Variants in ERN1 observed in about 807,000 individuals in gnomAD.
The protein encoded by ERN1 is serine/threonine-protein kinase/endoribonuclease IRE1.
In ERN1, 39 loss-of-function variants were observed where a neutral mutation model predicts 113.1. The observed-to-expected ratio is 0.34, with a 90% CI of 0.27 to 0.45. The LOEUF (loss-of-function observed/expected upper bound fraction) is 0.45. Ranked by LOEUF, ERN1 falls within the 20% of genes least tolerant of loss-of-function variation. The pLI is 1.00. For synonymous variants in ERN1, 507 were observed against 515.9 expected (o/e 0.98, Z 0.23); for missense variants, 976 against 1,274.8 (o/e 0.77, Z 3.57).
In ERN1 at chr17:64,063,877, G is replaced by A; in HGVS notation, c.1087+109C>T. ...TCAGGGGCCAGCCGGGAAGGGCTCT[G>A]AGCACAAGGCCTTCCGAGCTCAGTA... On this transcript the variant is annotated intron_variant, in intron 10 of 21. Transcript: ENST00000433197. The surrounding 1 kb of genome is among the most constrained non-coding windows in gnomAD (Gnocchi z 5.1). The A allele has an allele frequency of 9.7e-7, 1 of 1,028,520 alleles. No individual in the cohort carries two copies. The highest frequency in any genetic ancestry group is 1.4e-6 in the Non-Finnish European group (1 of 697,662). The allele number at this position is 1,028,520 out of a possible 1,614,324, so 63.7% of individuals were successfully genotyped here.
intron 12 of ERN1, among the ~76,000 whole-genome samples, 153 bp downstream of exon 12, chr17:64,057,649 T>C (rs915152184): frequency 6.6e-5 from 10 of 152,340 alleles, no homozygotes; most frequent in Non-Finnish European, 1.0e-4. Context: ...ATTACAGGCG[T>C]GAGCCACTGT....
At chr17:64,124,515 C>T (rs1267829661) in intron 1 of ERN1, among the ~76,000 whole-genome samples, 1 of 152,130 alleles carries the variant, frequency 6.6e-6, no homozygotes, top group Non-Finnish European at 1.5e-5. Context: ...GTGAATAAGT[C>T]TCACGAGATT....
chr17:64,054,539 G>T lies in ERN1; in HGVS notation c.1764-100C>A, dbSNP rs901921191. 5 of 1,223,686 alleles carry T rather than the reference G, an allele frequency of 4.1e-6. No individual in the cohort carries two copies. Among genetic ancestry groups the T allele is most frequent in the Non-Finnish European group, 5.7e-6 (5 of 876,228 alleles). The allele number at this position is 1,223,686 out of a possible 1,614,324, so 75.8% of individuals were successfully genotyped here. A position where few individuals can be genotyped will look rare whatever the true frequency, so the allele number is the denominator to read the frequency against. The stretch of plus-strand genomic sequence containing the variant: ...CACAGCATTCACCTACTGCCTCCCA[G>T]CCTAGAGAGCCCCGCCTGACTGCCT... On this transcript the variant is annotated intron_variant, in intron 14 of 21. Transcript: ENST00000433197. This position sits in a 1 kb window ranked among gnomAD's most constrained non-coding sequence, Gnocchi z 4.9.
intron 2 of ERN1, among the ~76,000 whole-genome samples, chr17:64,086,362 C>T (rs572729477): frequency 6.6e-6 from 1 of 152,252 alleles, no homozygotes; most frequent in South Asian, 2.1e-4. Context: ...TCACAAATGA[C>T]CACGTCATAG....
intron 17 of ERN1, among the ~76,000 whole-genome samples, chr17:64,051,264 A>G (rs1306488857): frequency 6.6e-6 from 1 of 152,186 alleles, no homozygotes; most frequent in Non-Finnish European, 1.5e-5. Context: ...TACTTCAGGC[A>G]AGGGTGATCA....
intron 1 of ERN1, among the ~76,000 whole-genome samples, chr17:64,124,986 T>G (rs7220376): frequency 6.6e-6 from 1 of 152,156 alleles, no homozygotes; most frequent in African/African-American, 2.4e-5. Flanking sequence ...GGGGAAACGG[T>G]GTGTAACAGC....
intron 1 of ERN1, among the ~76,000 whole-genome samples, chr17:64,107,450 T>C (rs928170408): frequency 2.0e-5 from 3 of 151,968 alleles, no homozygotes; most frequent in African/African-American, 7.3e-5. Flanking sequence ...GCCTCCCGAG[T>C]AGCTGCGACT....
rs1286819694 is a variant in ERN1 at position 64,063,741 on chromosome 17, TTTACA to T, written c.1087+240_1087+244del. 6.6e-6 allele frequency among the ~76,000 whole-genome samples: 1 copy of T among 152,074 alleles called. No homozygotes were observed. The highest frequency in any genetic ancestry group is 2.4e-5 in the African/African-American group (1 of 41,390). ...CTTAATGTCGGATACTCACACAAGG[TTTACA>T]TTAATTTAGTACCTGAGTTTTGGAA... On this transcript the variant is annotated intron_variant, in intron 10 of 21. Transcript: ENST00000433197. The surrounding 1 kb of genome is among the most constrained non-coding windows in gnomAD (Gnocchi z 5.1).
chr17:64,060,419 C>T, intron 11 of ERN1, 50 bp downstream of exon 11: 1 of 1,182,022 alleles, frequency 8.5e-7, no homozygotes, highest in Non-Finnish European at 1.3e-6. Context: ...ATGCCTCACC[C>T]TCCCAACACC....
intron 1 of ERN1, chr17:64,129,078 G>A (rs3088093): frequency 0.12 from 18,351 of 151,708 alleles, 1,158 homozygotes; most frequent in Admixed American, 0.15. Context: ...AAAAACATTC[G>A]CTAATTTAGG....
In ERN1 at chr17:64,044,778, A is replaced by T; in HGVS notation, c.2721+82T>A. Reference sequence around the variant, plus strand: ...ATGAGAATGCCAGTACAGATAAAAGATTTATAAAGAATGGATGAAAGGAGG... The same window carrying T: ...ATGAGAATGCCAGTACAGATAAAAGTTTTATAAAGAATGGATGAAAGGAGG... On this transcript the variant is annotated intron_variant, in intron 21 of 21. Coordinates refer to ENST00000433197, the MANE Select transcript of ERN1 (RefSeq NM_001433.5). The surrounding 1 kb of genome is among the most constrained non-coding windows in gnomAD (Gnocchi z 4.1). 1.0e-6 allele frequency: 1 copy of T among 977,038 alleles called. No individual in the cohort carries two copies. Among genetic ancestry groups the T allele is most frequent in the Non-Finnish European group, 1.6e-6 (1 of 626,986 alleles). 60.5% of individuals were successfully genotyped at this position (977,038 alleles called of 1,614,324 possible).
At chr17:64,053,169 A>G in intron 16 of ERN1, 103 bp downstream of exon 16, 2 of 1,011,888 alleles carry the variant, frequency 2.0e-6, no homozygotes, top group Non-Finnish European at 2.9e-6. Flanking sequence ...TATAGCCAAG[A>G]GCTTGAACAG....
intron 1 of ERN1, among the ~76,000 whole-genome samples, chr17:64,103,803 CA>C (rs1914449265): frequency 6.6e-6 from 1 of 152,154 alleles, no homozygotes; most frequent in Non-Finnish European, 1.5e-5. Flanking sequence ...ATTATGGACA[CA>C]GGGGCAGACA....
At chr17:64,072,142 T>C in intron 5 of ERN1, 39 bp from the exon 6 acceptor site, 2 of 1,606,696 alleles carry the variant, frequency 1.2e-6, no homozygotes, top group Non-Finnish European at 8.5e-7. Context: ...TTACACCATA[T>C]GGAAAAAAGT....
intron 1 of ERN1, among the ~76,000 whole-genome samples, chr17:64,128,423 T>C (rs1453359739): frequency 6.6e-6 from 1 of 152,182 alleles, no homozygotes; most frequent in African/African-American, 2.4e-5. Flanking sequence ...TTGGAAATAT[T>C]TACACGAACT....
Position 64,042,569 on chromosome 17 carries a change from G to A in ERN1, c.*1419C>T, listed in dbSNP as rs533392905. On this transcript the variant is annotated 3_prime_UTR_variant, in exon 22 of 22. Transcript: ENST00000433197. ...CCCCAACTGGCTGGAGAAAGTACAT[G>A]GACAACATCTCCTTACACGGTAGGC... is the stretch of plus-strand genomic sequence containing the variant. The A allele has an allele frequency of 1.2e-4, 18 of 152,256 alleles. No individual in the cohort carries two copies. Among genetic ancestry groups the A allele is most frequent in the African/African-American group, 4.3e-4 (18 of 41,544 alleles). The allele number at this position is 152,256 out of a possible 1,614,324, so 9.4% of individuals were successfully genotyped here.
chr17:64,088,358 A>G (rs993383258), intron 2 of ERN1, among the ~76,000 whole-genome samples: 4 of 152,122 alleles, frequency 2.6e-5, no homozygotes, highest in African/African-American at 9.7e-5. Context: ...ATATTACCAC[A>G]CAGTTAGAAA....
chr17:64,075,684 CCCT>C (rs1274143577), intron 4 of ERN1, among the ~76,000 whole-genome samples: 1 of 152,224 alleles, frequency 6.6e-6, no homozygotes, highest in Admixed American at 6.5e-5. Context: ...GTGCAGAGGC[CCCT>C]CAAGGTCTCC....
Position 64,075,263 on chromosome 17 carries a change from A to AG in ERN1, c.283-17_283-16insC. 6.7e-7 allele frequency: 1 copy of AG among 1,493,530 alleles called. No individual in the cohort carries two copies. The highest frequency in any genetic ancestry group is 2.9e-5 in the Admixed American group (1 of 35,076). The allele number at this position is 1,493,530 out of a possible 1,614,324, so 92.5% of individuals were successfully genotyped here. A position where few individuals can be genotyped will look rare whatever the true frequency, so the allele number is the denominator to read the frequency against. On this transcript the variant is annotated splice_polypyrimidine_tract_variant and intron_variant, in intron 4 of 21. Transcript: ENST00000433197. The stretch of plus-strand genomic sequence containing the variant: ...AAGGAAGTTTCTTTAAAAAAAAAAA[A>AG]AAAGAAAAAAAAAAGTTAACCAAGT...
Sources: gnomAD v4.1 joint callset for allele counts (sites outside exome capture counted in the v4.1 genomes callset) on GRCh38, gnomAD v4.1.1 for gene constraint, Gnocchi (gnomAD v3.1) non-coding constraint, MANE v1.5 for transcripts, NCBI Gene and HGNC (gene_info 2026-07-23, HGNC 2026-07-21) for gene names.